CTNNA2: variants seen among roughly 807,000 people sequenced by gnomAD.
The protein encoded by CTNNA2 is catenin alpha-2.
A neutral mutation model predicts 101.0 loss-of-function variants in CTNNA2; 42 were observed. That is an observed-to-expected ratio of 0.42 (90% CI 0.32 to 0.54). The LOEUF (loss-of-function observed/expected upper bound fraction) is 0.54. CTNNA2 is among the 20% of genes least tolerant of loss of function. The pLI is 0.14. For synonymous variants in CTNNA2, 450 were observed against 456.4 expected (o/e 0.99, Z 0.18); for missense variants, 871 against 1,223.1 (o/e 0.71, Z 4.29).
At chr2:80,591,480 C>CTTTTTTTTTTTTTTTTTTTT (rs1473500318) in intron 15 of CTNNA2, among the ~76,000 whole-genome samples, 4 of 33,542 alleles carry the variant, frequency 1.2e-4, no homozygotes, top group Admixed American at 3.5e-4. Context: ...TTTTTTTTTG[C>CTTTTTTTTTTTTTTTTTTTT]AAACAGACAG....
Position 80,428,189 on chromosome 2 carries a change from G to A in CTNNA2, c.1290+8588G>A, listed in dbSNP as rs555098278. 1.3e-3 allele frequency among the ~76,000 whole-genome samples: 201 copies of A among 152,266 alleles called. 1 individual carries two copies. Among genetic ancestry groups the A allele is most frequent in the Non-Finnish European group, 2.0e-3 (133 of 68,024 alleles). ...AAGAGACCAGTGTGACTGGAGCCGAGAATGAGAGGAAAAATTACAGAGATT... is the reference window on the plus strand; with the variant it reads ...AAGAGACCAGTGTGACTGGAGCCGAAAATGAGAGGAAAAATTACAGAGATT... On this transcript the variant is annotated intron_variant, in intron 9 of 18. Coordinates refer to ENST00000402739, the MANE Select transcript of CTNNA2 (RefSeq NM_001282597.3).
At chr2:79,324,026 C>G (rs2104411993) in intron 3 of CTNNA2, among the ~76,000 whole-genome samples, 1 of 152,304 alleles carries the variant, frequency 6.6e-6, no homozygotes, top group Non-Finnish European at 1.5e-5. Flanking sequence ...TTTCTTGTTA[C>G]AGAAGAGAGA....
intron 18 of CTNNA2, among the ~76,000 whole-genome samples, chr2:80,622,277 A>C (rs2149809758): frequency 6.6e-6 from 1 of 152,030 alleles, no homozygotes; most frequent in South Asian, 2.1e-4. Flanking sequence ...ACTCACAGCC[A>C]CAACTATGCA....
At chr2:80,539,311 C>CT (rs763178918) in intron 9 of CTNNA2, among the ~76,000 whole-genome samples, 5,753 of 110,302 alleles carry the variant, frequency 0.052, 180 homozygotes, top group Middle Eastern at 0.14. Context: ...GCTCTCCTTG[C>CT]TTTTTTTTTT....
At chr2:80,127,123 G>T (rs1002801618) in intron 7 of CTNNA2, among the ~76,000 whole-genome samples, 3 of 152,180 alleles carry the variant, frequency 2.0e-5, no homozygotes, top group Non-Finnish European at 4.4e-5. Context: ...AGTTAGTCAG[G>T]TAAACAGATG....
intron 17 of CTNNA2, chr2:80,616,359 A>G (rs1421008181): frequency 1.3e-5 from 2 of 151,634 alleles, no homozygotes; most frequent in African/African-American, 4.8e-5. Context: ...AGCCCCTCTT[A>G]TTGAGATATT....
intron 11 of CTNNA2, among the ~76,000 whole-genome samples, chr2:80,549,375 T>C (rs1278773899): frequency 6.6e-6 from 1 of 152,234 alleles, no homozygotes; most frequent in African/African-American, 2.4e-5. Context: ...TTATTTTCTT[T>C]TAAAAATTCA....
intron 9 of CTNNA2, among the ~76,000 whole-genome samples, chr2:80,540,950 A>C (rs1443791549): frequency 6.6e-6 from 1 of 152,122 alleles, no homozygotes; most frequent in Non-Finnish European, 1.5e-5. Flanking sequence ...CAGCCTCCCA[A>C]ATTGCTGGGA....
intron 7 of CTNNA2, among the ~76,000 whole-genome samples, chr2:80,119,907 A>G (rs1701735738): frequency 6.6e-6 from 1 of 152,164 alleles, no homozygotes; most frequent in Admixed American, 6.5e-5. Context: ...GCAAAGATGG[A>G]CTAGGTTTTA....
chr2:80,565,250 A>G (rs1229532653), intron 12 of CTNNA2, among the ~76,000 whole-genome samples: 2 of 152,150 alleles, frequency 1.3e-5, no homozygotes, highest in Non-Finnish European at 2.9e-5. Context: ...GGAGGTCATA[A>G]TGGAACACCA....
At chr2:80,557,691 A>G (rs760385261) in intron 12 of CTNNA2, among the ~76,000 whole-genome samples, 9 of 152,328 alleles carry the variant, frequency 5.9e-5, no homozygotes, top group Non-Finnish European at 1.2e-4. Flanking sequence ...ATGACATTTT[A>G]GAACTTTTTC....
At chr2:80,605,329 A>T (rs1697910124) in intron 16 of CTNNA2, 2 of 151,984 alleles carry the variant, frequency 1.3e-5, no homozygotes, top group Non-Finnish European at 2.9e-5. Context: ...AGTGATTTAC[A>T]GTTTGAACCA....
chr2:80,331,334 A>G (rs546183063), intron 7 of CTNNA2, among the ~76,000 whole-genome samples: 1 of 152,144 alleles, frequency 6.6e-6, no homozygotes, highest in African/African-American at 2.4e-5. Context: ...GGCTCATTTT[A>G]ATGCCATCCA....
chr2:79,250,069 G>A (rs1674750605), intron 2 of CTNNA2, among the ~76,000 whole-genome samples: 1 of 152,072 alleles, frequency 6.6e-6, no homozygotes, highest in African/African-American at 2.4e-5. Context: ...GACTGCACTG[G>A]TATCAGCCTT....
intron 4 of CTNNA2, among the ~76,000 whole-genome samples, chr2:79,430,112 A>C (rs1024884734): frequency 6.6e-6 from 1 of 152,064 alleles, no homozygotes; most frequent in Non-Finnish European, 1.5e-5. Flanking sequence ...AGAAGCAAAA[A>C]TCTCAAGCTC....
At chr2:80,307,780 C>CTAA (rs1390301565) in intron 7 of CTNNA2, among the ~76,000 whole-genome samples, 1 of 152,210 alleles carries the variant, frequency 6.6e-6, no homozygotes, top group East Asian at 1.9e-4. Flanking sequence ...AAGTCTAGTA[C>CTAA]TAATAGTTGG....
chr2:79,594,530 TGTAA>T (rs1677066700), intron 1 of CTNNA2, among the ~76,000 whole-genome samples: 1 of 152,200 alleles, frequency 6.6e-6, no homozygotes, highest in African/African-American at 2.4e-5. Context: ...GTAGGAACTT[TGTAA>T]GTATCAGTCA....
At chr2:79,209,586 A>C (rs1262022966) in intron 2 of CTNNA2, among the ~76,000 whole-genome samples, 1 of 152,200 alleles carries the variant, frequency 6.6e-6, no homozygotes, top group African/African-American at 2.4e-5. Context: ...TTTAATGCTA[A>C]TGAGAATGGA....
At chr2:79,282,404 C>G (rs542137079) in intron 2 of CTNNA2, among the ~76,000 whole-genome samples, 5 of 152,040 alleles carry the variant, frequency 3.3e-5, no homozygotes, top group African/African-American at 1.2e-4. Flanking sequence ...CTATCCCTCC[C>G]CGCTCCCCCC....
Sources: gnomAD v4.1 joint callset for allele counts (sites outside exome capture counted in the v4.1 genomes callset) on GRCh38, gnomAD v4.1.1 for gene constraint, MANE v1.5 for transcripts, NCBI Gene and HGNC (gene_info 2026-07-23, HGNC 2026-07-21) for gene names.